ACSM2B: variants seen among roughly 807,000 people sequenced by gnomAD.
ACSM2B encodes acyl-CoA synthetase medium chain family member 2B, also known as acyl-coenzyme A synthetase ACSM2B, mitochondrial.
Under a neutral mutation model 78.6 loss-of-function variants are expected in ACSM2B, and 58 were observed. The ratio of observed to expected loss-of-function variants is 0.74; its 90% CI spans 0.60 to 0.92. The LOEUF (loss-of-function observed/expected upper bound fraction) is 0.92, where lower values mean the gene tolerates loss of function less well. Among genes scored for constraint, ACSM2B ranks in the 40% least tolerant of loss-of-function variants. The pLI, the probability that ACSM2B is intolerant of heterozygous loss-of-function variation, is 0.00. For missense variants in ACSM2B, 688 were observed against 711.2 expected (o/e 0.97, Z 0.37); for synonymous variants, 257 against 256.8 (o/e 1.00, Z -0.01).
In ACSM2B at chr16:20,547,675, T is replaced by A. The variant is rs1401319634; in HGVS notation, c.1098+387A>T. On this transcript the variant is annotated intron_variant, in intron 8 of 13. Coordinates refer to ENST00000329697, the MANE Select transcript of ACSM2B (RefSeq NM_001105069.2). ...AAGCAGCTTTGTACAGTGCTTGACA[T>A]GTTTGATAAACTTTGGTCTCTGCTA... The A allele has an allele frequency of 1.3e-5, 14 of 1,088,414 alleles. No homozygotes were observed. In the South Asian group the frequency reaches 2.5e-4, roughly 19 times the overall value. 67.4% of individuals were successfully genotyped at this position (1,088,414 alleles called of 1,614,324 possible).
intron 8 of ACSM2B, chr16:20,547,466 G>A (rs1402761702): frequency 2.0e-6 from 2 of 978,046 alleles, no homozygotes; most frequent in Admixed American, 6.1e-5. Context: ...ACAAGTAAGA[G>A]GCACTGGAAA....
intron 1 of ACSM2B, among the ~76,000 whole-genome samples, chr16:20,568,133 C>A (rs915017376): frequency 7.1e-6 from 1 of 141,020 alleles, no homozygotes; most frequent in African/African-American, 2.6e-5. Flanking sequence ...ATATGTTATA[C>A]GTTCATGAGC....
At chr16:20,550,132 G>T (rs932428576) in intron 6 of ACSM2B, among the ~76,000 whole-genome samples, 5 of 152,168 alleles carry the variant, frequency 3.3e-5, no homozygotes, top group Admixed American at 2.6e-4. Context: ...CCTGGCTGAG[G>T]AGGAAGTCCA....
At chr16:20,566,105 C>T (rs539333999) in intron 1 of ACSM2B, among the ~76,000 whole-genome samples, 171 of 117,426 alleles carry the variant, frequency 1.5e-3, no homozygotes, top group African/African-American at 6.6e-3. Context: ...TAGTATATAT[C>T]GAAAAAATAT....
chr16:20,547,840 C>T (rs1354242330), intron 8 of ACSM2B: 52 of 1,180,052 alleles, frequency 4.4e-5, no homozygotes, highest in East Asian at 1.7e-4. Context: ...TATTGTCTCT[C>T]TCCCCAAATC....
At chr16:20,566,246 A>C (rs2015829021) in intron 1 of ACSM2B, among the ~76,000 whole-genome samples, 1 of 42,374 alleles carries the variant, frequency 2.4e-5, no homozygotes, top group African/African-American at 9.3e-5. Flanking sequence ...TTCATGGAAG[A>C]TTATATATAT....
Position 20,545,173 on chromosome 16 carries a change from A to G in ACSM2B, c.1265T>C (p.Ile422Thr). Reference sequence around the variant, plus strand: ...GTTTCTCACCACATAGCCAGAGAAGATGCCTATAGGCCTGATGGGTTTGAC... The same window carrying G: ...GTTTCTCACCACATAGCCAGAGAAGGTGCCTATAGGCCTGATGGGTTTGAC... ...IRVKPIRPIG[I>T]FSGYVENPDK... The change falls in exon 10 of 14, where the codon ATC (isoleucine) becomes ACC (threonine). Residue 422 changes from isoleucine to threonine, a missense_variant. Transcript: ENST00000329697. The G allele has an allele frequency of 6.2e-7, 1 of 1,612,966 alleles. No homozygotes were observed. Among genetic ancestry groups the G allele is most frequent in the Non-Finnish European group, 8.5e-7 (1 of 1,179,182 alleles).
At chr16:20,539,642 A>T (rs556634746) in intron 13 of ACSM2B, among the ~76,000 whole-genome samples, 1 of 151,898 alleles carries the variant, frequency 6.6e-6, no homozygotes, top group East Asian at 1.9e-4. Flanking sequence ...TTCTCTGAGG[A>T]TGACTTGGCT....
chr16:20,542,138 A>G (rs902141387), intron 12 of ACSM2B: 1 of 151,402 alleles, frequency 6.6e-6, no homozygotes, highest in Non-Finnish European at 1.5e-5. Flanking sequence ...ATTTTGAAAT[A>G]TACAATACAT....
chr16:20,566,698 G>A (rs765577387), intron 1 of ACSM2B, among the ~76,000 whole-genome samples: 173 of 5,382 alleles, frequency 0.032, 12 homozygotes, highest in South Asian at 0.062. Context: ...ACTATATATA[G>A]TATATATATA....
intron 4 of ACSM2B, 115 bp downstream of exon 4, chr16:20,555,154 C>A (rs1596719697): frequency 1.0e-5 from 15 of 1,493,872 alleles, no homozygotes; most frequent in East Asian, 4.7e-5. Flanking sequence ...CAGCTTCACT[C>A]TTCCTAGTCC....
chr16:20,548,917 G>A (rs2015224558), intron 6 of ACSM2B, among the ~76,000 whole-genome samples: 1 of 151,998 alleles, frequency 6.6e-6, no homozygotes, highest in African/African-American at 2.4e-5. Context: ...AATATTTTTG[G>A]GATATATTTT....
At chr16:20,549,981 A>G (rs2152136214) in intron 6 of ACSM2B, 1 of 298,734 alleles carries the variant, frequency 3.3e-6, no homozygotes, top group South Asian at 2.8e-5. Flanking sequence ...TAGGCTTTTT[A>G]GACAGAATAG....
intron 2 of ACSM2B, among the ~76,000 whole-genome samples, chr16:20,562,091 A>G (rs531635686): frequency 1.3e-5 from 2 of 152,150 alleles, no homozygotes; most frequent in South Asian, 2.1e-4. Context: ...ACATGAGTGT[A>G]CACATATTTC....
Position 20,544,808 on chromosome 16 carries a change from T to C in ACSM2B, c.1281+349A>G, listed in dbSNP as rs957183942. 7.0e-6 allele frequency: 7 copies of C among 1,001,894 alleles called. No individual in the cohort carries two copies. The African/African-American group carries it at 1.0e-4, about 15-fold the overall frequency. 62.1% of individuals were successfully genotyped at this position (1,001,894 alleles called of 1,614,324 possible). ...CTCTAAAGAAGATCAACGGCATAGA[T>C]CATGGGGATGATACCTAGGGGAGAG... On this transcript the variant is annotated intron_variant, in intron 10 of 13. Transcript: ENST00000329697.
At chr16:20,538,750 C>T (rs1185207897) in intron 13 of ACSM2B, among the ~76,000 whole-genome samples, 1 of 152,122 alleles carries the variant, frequency 6.6e-6, no homozygotes, top group Non-Finnish European at 1.5e-5. Context: ...GCATTATTCT[C>T]ATTTTGCAAA....
At chr16:20,560,417 A>T (rs2015616843) in intron 2 of ACSM2B, among the ~76,000 whole-genome samples, 1 of 151,896 alleles carries the variant, frequency 6.6e-6, no homozygotes, top group East Asian at 1.9e-4. Context: ...TTTAAAAGTG[A>T]GTGGCACCTT....
chr16:20,574,243 C>A (rs1458662970), intron 1 of ACSM2B: 2 of 152,066 alleles, frequency 1.3e-5, no homozygotes, highest in African/African-American at 4.8e-5. Context: ...CCCGACCCCG[C>A]AGGCAGTCAG....
At chr16:20,544,457 T>C (rs1221024416) in intron 10 of ACSM2B, 15 of 661,478 alleles carry the variant, frequency 2.3e-5, no homozygotes, top group Admixed American at 6.3e-5. Flanking sequence ...AGTTTAAAGT[T>C]TAAAAATTAA....
Sources: allele counts gnomAD v4.1 joint callset (sites outside exome capture counted in the v4.1 genomes callset), GRCh38; gene constraint gnomAD v4.1.1; transcripts MANE v1.5; gene names NCBI Gene and HGNC (gene_info 2026-07-23, HGNC 2026-07-21).